Variants in MYO1B observed in about 807,000 individuals in gnomAD.
MYO1B encodes myosin IB, also known as unconventional myosin-Ib.
MYO1B carries 72 observed loss-of-function variants against 159.7 expected under a neutral mutation model. The observed-to-expected ratio is 0.45, with a 90% CI of 0.37 to 0.55. The LOEUF is 0.55. MYO1B is among the 20% of genes least tolerant of loss of function. The pLI is 0.00. For synonymous variants in MYO1B, 468 were observed against 473.8 expected (o/e 0.99, Z 0.16); for missense variants, 1,062 against 1,364.8 (o/e 0.78, Z 3.50).
intron 2 of MYO1B, among the ~76,000 whole-genome samples, chr2:191,285,309 A>G (rs1441639653): frequency 6.6e-6 from 1 of 152,202 alleles, no homozygotes; most frequent in African/African-American, 2.4e-5. Context: ...GTGGCGTTGA[A>G]CTCATATATA....
At chr2:191,363,499 T>C (rs1305929674) in intron 9 of MYO1B, among the ~76,000 whole-genome samples, 1 of 152,072 alleles carries the variant, frequency 6.6e-6, no homozygotes, top group Non-Finnish European at 1.5e-5. Context: ...AAGGCTCTGC[T>C]CCCAGCCTCC....
chr2:191,386,133 C>A, intron 16 of MYO1B, 49 bp downstream of exon 16: 3 of 1,581,970 alleles, frequency 1.9e-6, no homozygotes, highest in South Asian at 1.1e-5. Flanking sequence ...GTTACCCCTG[C>A]AAGGAGGCTG....
At chr2:191,421,415 A>C (rs1323625695) in intron 30 of MYO1B, among the ~76,000 whole-genome samples, 1 of 152,022 alleles carries the variant, frequency 6.6e-6, no homozygotes, top group South Asian at 2.1e-4. Context: ...GAAACAGTTA[A>C]TGTAGGCCAA....
intron 7 of MYO1B, chr2:191,350,535 GA>G: frequency 6.0e-6 from 1 of 165,296 alleles, no homozygotes; most frequent in Non-Finnish European, 1.3e-5. Flanking sequence ...AATCCAGTAT[GA>G]AAAAAAGATC....
chr2:191,412,639 C>G (rs1410379393), intron 27 of MYO1B, among the ~76,000 whole-genome samples: 1 of 152,184 alleles, frequency 6.6e-6, no homozygotes. Context: ...TATCCTCCAC[C>G]CACAACATAA....
chr2:191,419,425 A>G (rs1246752282), intron 30 of MYO1B, among the ~76,000 whole-genome samples: 2 of 151,984 alleles, frequency 1.3e-5, no homozygotes, highest in Non-Finnish European at 2.9e-5. Context: ...TCATCGTGTT[A>G]GCCAGGATGG....
At chr2:191,293,996 A>G (rs1054173879) in intron 2 of MYO1B, among the ~76,000 whole-genome samples, 3 of 152,192 alleles carry the variant, frequency 2.0e-5, no homozygotes, top group Admixed American at 1.3e-4. Context: ...GTACCCTCCA[A>G]TTAGTGATGA....
At chr2:191,339,524 A>G (rs1043794744) in intron 4 of MYO1B, among the ~76,000 whole-genome samples, 1 of 152,188 alleles carries the variant, frequency 6.6e-6, no homozygotes, top group African/African-American at 2.4e-5. Context: ...CGGTATTGCA[A>G]AGGTGGAAAG....
At chr2:191,332,266 T>TA (rs5837230) in intron 4 of MYO1B, among the ~76,000 whole-genome samples, 71,310 of 151,748 alleles carry the variant, frequency 0.47, 19,914 homozygotes, top group East Asian at 0.65. Flanking sequence ...CCTGGCCTAT[T>TA]ATCCCTCTTA....
intron 30 of MYO1B, among the ~76,000 whole-genome samples, chr2:191,422,738 G>GCCA (rs1478292571): frequency 1.3e-5 from 2 of 152,090 alleles, no homozygotes; most frequent in Admixed American, 6.5e-5. Context: ...GTGTTTAGAA[G>GCCA]CCATAGACTA....
intron 7 of MYO1B, 123 bp from the exon 8 acceptor site, chr2:191,360,508 T>C: frequency 1.6e-6 from 1 of 624,760 alleles, no homozygotes; most frequent in Non-Finnish European, 2.8e-6. Context: ...AAAATACAGC[T>C]TCCTTTATTA....
intron 3 of MYO1B, among the ~76,000 whole-genome samples, chr2:191,306,988 G>A (rs112642251): frequency 6.6e-6 from 1 of 152,224 alleles, no homozygotes; most frequent in Admixed American, 6.5e-5. Flanking sequence ...TCCCCCAAGA[G>A]AGAGTTCTTG....
intron 12 of MYO1B, 50 bp downstream of exon 12, chr2:191,369,678 T>G (rs1305840068): frequency 1.5e-6 from 2 of 1,360,846 alleles, no homozygotes; most frequent in African/African-American, 2.9e-5. Flanking sequence ...GTATTCACAG[T>G]ATAAACATTA....
At chr2:191,314,673 A>G (rs112532331) in intron 3 of MYO1B, among the ~76,000 whole-genome samples, 16 of 152,372 alleles carry the variant, frequency 1.1e-4, no homozygotes, top group African/African-American at 3.8e-4. Flanking sequence ...CCTATATTCA[A>G]GAACTTAAAG....
At chr2:191,409,336 C>T (rs1697123633) in intron 26 of MYO1B, among the ~76,000 whole-genome samples, 158 bp downstream of exon 26, 1 of 152,224 alleles carries the variant, frequency 6.6e-6, no homozygotes, top group Non-Finnish European at 1.5e-5. Context: ...TATTGAGTTT[C>T]TACGAGAGCC....
In MYO1B at chr2:191,414,582, A is replaced by G. The variant is rs372397407; in HGVS notation, c.3072A>G (p.Gln1024=). 1 of 1,613,584 alleles carries G rather than the reference A, an allele frequency of 6.2e-7. No individual in the cohort carries two copies. Among genetic ancestry groups the G allele is most frequent in the Non-Finnish European group, 8.5e-7 (1 of 1,179,820 alleles). The change falls in exon 29 of 31, where the codon CAA becomes CAG. Residue 1024 remains glutamine, a synonymous_variant. Coordinates refer to ENST00000392318, the MANE Select transcript of MYO1B (RefSeq NM_001130158.3). The part of the protein sequence containing the change: ...NLLLADQKSG[Q]IKSEVPLVDV... The stretch of plus-strand genomic sequence containing the variant: ...TTCTTGCTGACCAAAAGTCTGGACA[A>G]ATCAAGTCAGAGGTTCCATTGGTGG...
At position 191,387,098 on chromosome 2, in the gene MYO1B, A is replaced by G. The variant is rs73984113; in HGVS notation, c.1555-126A>G. 4.2e-3 allele frequency: 3,733 copies of G among 884,418 alleles called. 96 individuals are homozygous for G. The African/African-American group carries it at 0.055, about 13-fold the overall frequency. 54.8% of individuals were successfully genotyped at this position (884,418 alleles called of 1,614,324 possible). A position where few individuals can be genotyped will look rare whatever the true frequency, so the allele number is the denominator to read the frequency against. On this transcript the variant is annotated intron_variant, in intron 16 of 30. Coordinates refer to ENST00000392318, the MANE Select transcript of MYO1B (RefSeq NM_001130158.3). ...AACTCATTATGAGAGTGTGACTAAC[A>G]TGTCAGGGATTTTTTGATGGTGAAG...
rs1553528551 is a variant in MYO1B at position 191,260,254 on chromosome 2, C to CTGTTTTTTTTTTTTTTTTTTTTTTT, written c.-10+14629_-10+14630insGTTTTTTTTTTTTTTTTTTTTTTTT. 1.5e-4 allele frequency among the ~76,000 whole-genome samples: 9 copies of CTGTTTTTTTTTTTTTTTTTTTTTTT among 60,962 alleles called. 1 individual carries two copies. Among genetic ancestry groups the CTGTTTTTTTTTTTTTTTTTTTTTTT allele is most frequent in the Non-Finnish European group, 3.2e-4 (8 of 25,286 alleles). 40.0% of individuals were successfully genotyped at this position (60,962 alleles called of 152,430 possible). ...TAATATTACTTTTTTCCCAGATAGG[C>CTGTTTTTTTTTTTTTTTTTTTTTTT]TTTTTTTTTTTTTGAATTAAAGCTA... On this transcript the variant is annotated intron_variant, in intron 1 of 30. Transcript: ENST00000392318.
chr2:191,358,320 G>A (rs1285261411), intron 7 of MYO1B, among the ~76,000 whole-genome samples: 1 of 152,146 alleles, frequency 6.6e-6, no homozygotes. Context: ...GTCAGGGAAG[G>A]TTCTCTTTCT....
Sources: allele counts gnomAD v4.1 joint callset (sites outside exome capture counted in the v4.1 genomes callset), GRCh38; gene constraint gnomAD v4.1.1; transcripts MANE v1.5; gene names NCBI Gene and HGNC (gene_info 2026-07-23, HGNC 2026-07-21).